The following KCMF1 variants were observed in gnomAD, a reference collection of about 807,000 sequenced individuals.
KCMF1 encodes the protein E3 ubiquitin-protein ligase KCMF1.
KCMF1 carries 3 observed loss-of-function variants against 41.1 expected under a neutral mutation model. That is an observed-to-expected ratio of 0.07 (90% confidence interval 0.03 to 0.19). The LOEUF is 0.19. KCMF1 is among the 10% of genes least tolerant of loss of function. The pLI is 1.00. For synonymous variants in KCMF1, 142 were observed against 164.5 expected, an observed-to-expected ratio of 0.86 and a Z score of 1.04; for missense variants, 286 against 488.9, an observed-to-expected ratio of 0.58 and a Z score of 3.91.
At chr2:85,014,502 T>G (rs941672555) in intron 1 of KCMF1, among the ~76,000 whole-genome samples, 4 of 152,068 alleles carry the variant, frequency 2.6e-5, no homozygotes, top group African/African-American at 9.7e-5. Flanking sequence ...GTTCAGTGAC[T>G]AGGTCTTTAG....
At chr2:85,017,266 TC>T (rs764933866) in intron 1 of KCMF1, among the ~76,000 whole-genome samples, 24 of 151,972 alleles carry the variant, frequency 1.6e-4, no homozygotes, top group Non-Finnish European at 3.5e-4. Flanking sequence ...GACCTCATGA[TC>T]CACCCGCTTC....
chr2:85,021,441 G>A (rs1341140452), intron 1 of KCMF1, among the ~76,000 whole-genome samples: 1 of 152,106 alleles, frequency 6.6e-6, no homozygotes, highest in East Asian at 1.9e-4. Context: ...GGCCAATGTG[G>A]TGAAACCCTG....
intron 1 of KCMF1, among the ~76,000 whole-genome samples, chr2:84,990,934 C>T (rs564098435): frequency 6.6e-6 from 1 of 152,144 alleles, no homozygotes; most frequent in African/African-American, 2.4e-5. Flanking sequence ...TTGCTCAAAA[C>T]CCAGTGGATG....
intron 1 of KCMF1, among the ~76,000 whole-genome samples, chr2:85,011,134 C>G (rs1274423402): frequency 6.6e-6 from 1 of 152,132 alleles, no homozygotes; most frequent in East Asian, 1.9e-4. Flanking sequence ...AGCCACCGTG[C>G]CCGGCCAGTC....
At chr2:85,049,225 T>C (rs990559708) in intron 5 of KCMF1, 141 bp from the exon 6 acceptor site, 7 of 773,512 alleles carry the variant, frequency 9.0e-6, no homozygotes, top group African/African-American at 1.7e-5. Flanking sequence ...TCTAGAAGGA[T>C]TCAGCTCTTA....
chr2:84,979,896 C>T (rs1030704447), intron 1 of KCMF1, among the ~76,000 whole-genome samples: 1 of 151,890 alleles, frequency 6.6e-6, no homozygotes. Flanking sequence ...GATCTCGGCT[C>T]ACCGCAACCT....
At position 85,034,930 on chromosome 2, in the gene KCMF1, C is replaced by G. The variant is rs41288831; in HGVS notation, c.185-86C>G. ...AACCACTGCTCCTGGCCCACACTTTCTTTTTTACATTATTGTATCGTACGA... is the reference window on the plus strand; with the variant it reads ...AACCACTGCTCCTGGCCCACACTTTGTTTTTTACATTATTGTATCGTACGA... On this transcript the variant is annotated intron_variant, in intron 2 of 6. Transcript: ENST00000409785. The G allele has an allele frequency of 5.7e-3, 6,910 of 1,213,672 alleles. 39 individuals are homozygous for G. The highest frequency in any genetic ancestry group is 6.3e-3 in the Non-Finnish European group (5,494 of 875,170). 75.2% of individuals were successfully genotyped at this position (1,213,672 alleles called of 1,614,324 possible). A position where few individuals can be genotyped will look rare whatever the true frequency, so the allele number is the denominator to read the frequency against.
chr2:85,043,584 G>A lies in KCMF1; in HGVS notation c.345G>A (p.Ala115=), dbSNP rs552566937. ...STEVICPICA[A]LPGGDPNHVT... is the part of the protein sequence containing the mutation. Reference sequence around the variant, plus strand: ...TTCAGATTTGTCCAATATGTGCAGCGTTACCTGGAGGCGATCCTAATCATG... The same window carrying A: ...TTCAGATTTGTCCAATATGTGCAGCATTACCTGGAGGCGATCCTAATCATG... The change falls in exon 4 of 7, where the codon GCG becomes GCA. Residue 115 remains alanine (A), a synonymous_variant. Coordinates refer to ENST00000409785, the MANE Select transcript of KCMF1 (RefSeq NM_020122.5). 9 of 1,610,964 alleles carry A rather than the reference G, an allele frequency of 5.6e-6. No individual in the cohort carries two copies. Among genetic ancestry groups the A allele is most frequent in the East Asian group, 2.2e-5 (1 of 44,882 alleles).
chr2:85,044,789 G>A (rs989573161), intron 4 of KCMF1, among the ~76,000 whole-genome samples: 1 of 152,208 alleles, frequency 6.6e-6, no homozygotes, highest in Non-Finnish European at 1.5e-5. Context: ...AAAGTGCTGG[G>A]ATTCAGGCGT....
At chr2:85,008,370 C>CATATATAATATATA (rs1491352581) in intron 1 of KCMF1, among the ~76,000 whole-genome samples, 3 of 8,480 alleles carry the variant, frequency 3.5e-4, no homozygotes, top group South Asian at 9.6e-3. Flanking sequence ...TATTATATAT[C>CATATATAATATATA]ATATGATATA....
intron 2 of KCMF1, among the ~76,000 whole-genome samples, chr2:85,032,549 G>T (rs1675302199): frequency 1.3e-5 from 2 of 151,854 alleles, no homozygotes; most frequent in South Asian, 4.1e-4. Context: ...GCTAATTTTT[G>T]TATTTTTAGT....
At chr2:85,018,493 C>G (rs1435966111) in intron 1 of KCMF1, among the ~76,000 whole-genome samples, 1 of 152,052 alleles carries the variant, frequency 6.6e-6, no homozygotes, top group African/African-American at 2.4e-5. Context: ...TGGTCTCGAA[C>G]TCCTGACCTC....
intron 1 of KCMF1, among the ~76,000 whole-genome samples, chr2:85,019,991 C>T (rs996583949): frequency 6.6e-6 from 1 of 152,030 alleles, no homozygotes; most frequent in Non-Finnish European, 1.5e-5. Context: ...CTTACAGTTA[C>T]GGAACTCTAG....
intron 3 of KCMF1, 75 bp downstream of exon 3, chr2:85,035,230 C>T: frequency 3.2e-6 from 4 of 1,244,732 alleles, no homozygotes; most frequent in East Asian, 2.5e-5. Context: ...AAAGCTAGGT[C>T]ACTGTCATCT....
intron 1 of KCMF1, among the ~76,000 whole-genome samples, chr2:84,988,787 A>G (rs1316519965): frequency 6.6e-6 from 1 of 152,240 alleles, no homozygotes; most frequent in East Asian, 1.9e-4. Flanking sequence ...TGTTTAGTTG[A>G]GAAGCCATCT....
intron 2 of KCMF1, among the ~76,000 whole-genome samples, chr2:85,031,301 A>AT (rs1282578603): frequency 6.6e-6 from 1 of 152,108 alleles, no homozygotes; most frequent in African/African-American, 2.4e-5. Context: ...TAGGTTTTTA[A>AT]TTTCTTTTGA....
intron 1 of KCMF1, among the ~76,000 whole-genome samples, chr2:85,006,149 G>C (rs1674465143): frequency 6.6e-6 from 1 of 151,640 alleles, no homozygotes; most frequent in African/African-American, 2.4e-5. Context: ...GTTGTCATTT[G>C]AGTTTGTTTA....
chr2:85,001,140 TTTAA>T lies in KCMF1; in HGVS notation c.17-26730_17-26727del, dbSNP rs1160517892. On this transcript the variant is annotated intron_variant, in intron 1 of 6. Transcript: ENST00000409785. Reference sequence around the variant, plus strand: ...TACTCCCAGCCTTATATAATTTTATTTTAATTAATTAATTAATTAATTTTTTCAT... The same window carrying T: ...TACTCCCAGCCTTATATAATTTTATTTTAATTAATTAATTAATTTTTTCAT... Among the ~76,000 whole-genome samples the T allele has an allele frequency of 6.0e-5, 9 of 151,246 alleles. No homozygotes were observed. In the East Asian group the frequency reaches 9.7e-4, roughly 16 times the overall value.
chr2:84,999,313 G>A (rs1674271146), intron 1 of KCMF1, among the ~76,000 whole-genome samples: 1 of 151,680 alleles, frequency 6.6e-6, no homozygotes, highest in African/African-American at 2.4e-5. Flanking sequence ...AACACACCCG[G>A]CTAATTTTTG....
Sources: gnomAD v4.1 joint callset for allele counts (sites outside exome capture counted in the v4.1 genomes callset) on GRCh38, gnomAD v4.1.1 for gene constraint, MANE v1.5 for transcripts, NCBI Gene and HGNC (gene_info 2026-07-23, HGNC 2026-07-21) for gene names.